GON4L: variants seen among roughly 807,000 people sequenced by gnomAD.
GON4L encodes GON-4-like protein.
A neutral mutation model predicts 211.8 loss-of-function variants in GON4L; 87 were observed. That is an observed-to-expected ratio of 0.41 (90% CI 0.35 to 0.49). The LOEUF is 0.49. GON4L is among the 20% of genes least tolerant of loss of function. The pLI is 0.15. For missense variants in GON4L, 2,155 were observed against 2,659.5 expected (o/e 0.81, Z 4.17); for synonymous variants, 875 against 962.6 (o/e 0.91, Z 1.68).
At chr1:155,830,722 G>A (rs1669681762) in intron 2 of GON4L, among the ~76,000 whole-genome samples, 1 of 152,038 alleles carries the variant, frequency 6.6e-6, no homozygotes, top group African/African-American at 2.4e-5. Flanking sequence ...AAGTAGCTGA[G>A]ACTACAGGTT....
chr1:155,783,146 G>A (rs956919587), intron 14 of GON4L, among the ~76,000 whole-genome samples: 10 of 152,120 alleles, frequency 6.6e-5, no homozygotes, highest in Non-Finnish European at 1.5e-4. Context: ...GGTTTTTGAT[G>A]TAGTTGTATT....
Position 155,779,769 on chromosome 1 carries a change from T to C in GON4L, c.1893-1949A>G, listed in dbSNP as rs1469710106. The stretch of plus-strand genomic sequence containing the variant: ...GGAGGGTAGGGGTGGGAAGTTAGGG[T>C]TGGGAACCTTAGAAGAGGAATTTAT... On this transcript the variant is annotated intron_variant, in intron 14 of 31. Transcript: ENST00000368331. 3.3e-5 allele frequency among the ~76,000 whole-genome samples: 5 copies of C among 152,176 alleles called. No individual in the cohort carries two copies. The East Asian group carries it at 5.8e-4, about 18-fold the overall frequency.
intron 16 of GON4L, among the ~76,000 whole-genome samples, chr1:155,775,559 A>C (rs1002974193): frequency 6.6e-6 from 1 of 151,048 alleles, no homozygotes; most frequent in African/African-American, 2.4e-5. Context: ...GGCTCAAGCG[A>C]TTCTTCTCCA....
chr1:155,833,623 T>A (rs746992417), intron 2 of GON4L, among the ~76,000 whole-genome samples: 233 of 99,708 alleles, frequency 2.3e-3, no homozygotes, highest in Non-Finnish European at 3.5e-3. Context: ...TCCAGCCTGG[T>A]CAACAAAGCG....
At chr1:155,839,583 G>A (rs1670600154) in intron 2 of GON4L, among the ~76,000 whole-genome samples, 1 of 151,514 alleles carries the variant, frequency 6.6e-6, no homozygotes, top group Non-Finnish European at 1.5e-5. Flanking sequence ...CCCGGGAGGC[G>A]GAGGTTGCAG....
rs576526503 is a variant in GON4L at position 155,750,526 on chromosome 1, C to T, written c.*58G>A. 3.3e-6 allele frequency: 5 copies of T among 1,520,214 alleles called. No individual in the cohort carries two copies. The highest frequency in any genetic ancestry group is 2.3e-5 in the South Asian group (2 of 88,438). The allele number at this position is 1,520,214 out of a possible 1,614,324, so 94.2% of individuals were successfully genotyped here. On this transcript the variant is annotated 3_prime_UTR_variant, in exon 32 of 32. Coordinates refer to ENST00000368331, the MANE Select transcript of GON4L (RefSeq NM_001282860.2). The stretch of plus-strand genomic sequence containing the variant: ...CTGTACAAGCAGAGTACAACTACCC[C>T]CTCCCCGGTGCCAGGGCGCCTGTTG...
At chr1:155,790,805 A>G (rs918769460) in intron 12 of GON4L, among the ~76,000 whole-genome samples, 3 of 151,672 alleles carry the variant, frequency 2.0e-5, no homozygotes, top group Admixed American at 1.3e-4. Flanking sequence ...TTAGCTGGGC[A>G]TGGTGGCGCG....
At chr1:155,794,551 CCT>C (rs754273679) in intron 12 of GON4L, among the ~76,000 whole-genome samples, 57 of 152,228 alleles carry the variant, frequency 3.7e-4, no homozygotes, top group Non-Finnish European at 6.5e-4. Flanking sequence ...TTGCAATATT[CCT>C]CTCTGTCCCT....
At position 155,772,630 on chromosome 1, in the gene GON4L, C is replaced by T. The variant is rs535376092; in HGVS notation, c.2495+436G>A. Reference sequence around the variant, plus strand: ...AAATTTAGCCATGTATGGTGGCACACGCCTGTGGTCTCAGCTGCTCCGTGG... The same window carrying T: ...AAATTTAGCCATGTATGGTGGCACATGCCTGTGGTCTCAGCTGCTCCGTGG... On this transcript the variant is annotated intron_variant, in intron 18 of 31. Transcript: ENST00000368331. Among the ~76,000 whole-genome samples the T allele has an allele frequency of 8.6e-5, 13 of 151,904 alleles. No homozygotes were observed. In the East Asian group the frequency reaches 9.7e-4, roughly 11 times the overall value.
At chr1:155,832,288 A>C (rs1669861256) in intron 2 of GON4L, among the ~76,000 whole-genome samples, 1 of 150,930 alleles carries the variant, frequency 6.6e-6, no homozygotes, top group Non-Finnish European at 1.5e-5. Flanking sequence ...TCAAAAAAAA[A>C]AAAAAAAAAA....
intron 2 of GON4L, among the ~76,000 whole-genome samples, chr1:155,834,529 G>A (rs769566429): frequency 5.3e-5 from 8 of 152,064 alleles, no homozygotes; most frequent in Non-Finnish European, 8.8e-5. Flanking sequence ...TTCCATTTGA[G>A]GTAGGAGATC....
chr1:155,832,299 A>AAAG (rs1669866948), intron 2 of GON4L, among the ~76,000 whole-genome samples: 2 of 149,334 alleles, frequency 1.3e-5, no homozygotes, highest in African/African-American at 4.9e-5. Context: ...AAAAAAAAAA[A>AAAG]AAAGAAAGAA....
chr1:155,802,576 A>T (rs1666779321), intron 11 of GON4L, among the ~76,000 whole-genome samples: 1 of 152,210 alleles, frequency 6.6e-6, no homozygotes, highest in South Asian at 2.1e-4. Flanking sequence ...CCTAAACAAA[A>T]GTTACCCTGT....
rs532501788 is a variant in GON4L, at chr1:155,761,094, G to A, written c.4912-453C>T. 1.3e-3 allele frequency among the ~76,000 whole-genome samples: 191 copies of A among 152,116 alleles called. 1 individual carries two copies. Among genetic ancestry groups the A allele is most frequent in the African/African-American group, 4.4e-3 (184 of 41,480 alleles). On this transcript the variant is annotated intron_variant, in intron 23 of 31. Coordinates refer to ENST00000368331, the MANE Select transcript of GON4L (RefSeq NM_001282860.2). ...TCATTGCCAGTATTCTGCTTTCCAG[G>A]GGGATAAAGGAATCAGGTGGTTACC...
chr1:155,766,917 G>A (rs1571666125), intron 20 of GON4L, among the ~76,000 whole-genome samples: 1 of 152,166 alleles, frequency 6.6e-6, no homozygotes, highest in East Asian at 1.9e-4. Context: ...GTGGTGGCAT[G>A]TGCCTGTAAT....
chr1:155,847,667 A>G (rs1216392093), intron 2 of GON4L, among the ~76,000 whole-genome samples: 2 of 152,156 alleles, frequency 1.3e-5, no homozygotes, highest in South Asian at 4.2e-4. Flanking sequence ...GCGCCACTGC[A>G]CTCCAGCCTG....
intron 12 of GON4L, among the ~76,000 whole-genome samples, chr1:155,790,231 C>G (rs1442409426): frequency 6.6e-6 from 1 of 152,104 alleles, no homozygotes; most frequent in Admixed American, 6.6e-5. Flanking sequence ...TCCTTAGTAG[C>G]TGGGACTACA....
In GON4L at chr1:155,828,214, C is replaced by T. The variant is rs144723125; in HGVS notation, c.506-1186G>A. Among the ~76,000 whole-genome samples the T allele has an allele frequency of 3.9e-3, 596 of 151,968 alleles. 3 individuals carry two copies. Among genetic ancestry groups the T allele is most frequent in the South Asian group, 8.5e-3 (41 of 4,800 alleles). The stretch of plus-strand genomic sequence containing the variant: ...CATGTAGTATTAAAAGTAGGCTGGG[C>T]GCAGTGGCTCACATCTGTAATCTCA... On this transcript the variant is annotated intron_variant, in intron 2 of 31. Coordinates refer to ENST00000368331, the MANE Select transcript of GON4L (RefSeq NM_001282860.2).
chr1:155,840,971 G>A (rs557562374), intron 2 of GON4L, among the ~76,000 whole-genome samples: 10 of 152,178 alleles, frequency 6.6e-5, no homozygotes, highest in Admixed American at 1.3e-4. Context: ...GGAGGCGGAG[G>A]TTGCGGTGAG....
Sources: allele counts gnomAD v4.1 joint callset (sites outside exome capture counted in the v4.1 genomes callset), GRCh38; gene constraint gnomAD v4.1.1; transcripts MANE v1.5; gene names NCBI Gene and HGNC (gene_info 2026-07-23, HGNC 2026-07-21).